Variants in MIPEP observed in about 807,000 individuals in gnomAD.
MIPEP encodes mitochondrial intermediate peptidase.
MIPEP carries 79 observed loss-of-function variants against 90.3 expected under a neutral mutation model. The observed-to-expected ratio is 0.87, with a 90% CI of 0.73 to 1.05. The LOEUF (loss-of-function observed/expected upper bound fraction) is 1.05, where lower values mean the gene tolerates loss of function less well. Ranked by LOEUF, MIPEP falls within the 50% of genes least tolerant of loss-of-function variation. MIPEP has a pLI of 0.00. For missense variants in MIPEP, 940 were observed against 905.6 expected, an observed-to-expected ratio of 1.04 and a Z score of -0.49; for synonymous variants, 334 against 315.8, an observed-to-expected ratio of 1.06 and a Z score of -0.61.
chr13:23,866,513 C>A (rs1053946019), intron 7 of MIPEP, among the ~76,000 whole-genome samples: 49 of 152,170 alleles, frequency 3.2e-4, no homozygotes, highest in African/African-American at 1.1e-3. Flanking sequence ...GCCCTCCTCA[C>A]ATCTGACCTG....
intron 5 of MIPEP, among the ~76,000 whole-genome samples, chr13:23,872,484 T>C (rs1870860982): frequency 6.6e-6 from 1 of 152,104 alleles, no homozygotes; most frequent in East Asian, 1.9e-4. Flanking sequence ...TAATAATAAA[T>C]AAATAAGAAA....
At chr13:23,882,183 T>C (rs7316986) in intron 2 of MIPEP, among the ~76,000 whole-genome samples, 58,519 of 151,536 alleles carry the variant, frequency 0.39, 11,441 homozygotes, top group East Asian at 0.45. Flanking sequence ...CATTCTCCTG[T>C]CTCAGCCTCC....
intron 16 of MIPEP, among the ~76,000 whole-genome samples, chr13:23,788,382 G>A (rs1415918119): frequency 1.3e-5 from 2 of 152,144 alleles, no homozygotes; most frequent in Non-Finnish European, 2.9e-5. Flanking sequence ...TGTCATCACA[G>A]GTCAGTGGGC....
intron 18 of MIPEP, among the ~76,000 whole-genome samples, chr13:23,735,533 T>C (rs1952252902): frequency 1.3e-5 from 2 of 152,102 alleles, no homozygotes; most frequent in Non-Finnish European, 2.9e-5. Context: ...AAACTGCCAA[T>C]ATAAATATGA....
At chr13:23,737,524 G>GA (rs1271818228) in intron 18 of MIPEP, among the ~76,000 whole-genome samples, 1 of 152,132 alleles carries the variant, frequency 6.6e-6, no homozygotes, top group East Asian at 1.9e-4. Flanking sequence ...CTTTCGCCAA[G>GA]AAAAAATCCT....
chr13:23,867,559 T>C (rs190826217), intron 7 of MIPEP, among the ~76,000 whole-genome samples: 35 of 152,344 alleles, frequency 2.3e-4, no homozygotes, highest in South Asian at 1.9e-3. Flanking sequence ...CGTTCTTTAC[T>C]GTTCTTCCCT....
At position 23,841,467 on chromosome 13, in the gene MIPEP, T is replaced by C. The variant is rs1048616079; in HGVS notation, c.1128A>G (p.Leu376=). The C allele has an allele frequency of 3.1e-6, 5 of 1,613,138 alleles. No homozygotes were observed. Among genetic ancestry groups the C allele is most frequent in the South Asian group, 1.1e-5 (1 of 90,834 alleles). The change falls in exon 11 of 19, where the codon CTA becomes CTG. Residue 376 remains leucine (L), a synonymous_variant. Coordinates refer to ENST00000382172, the MANE Select transcript of MIPEP (RefSeq NM_005932.4). Reference sequence around the variant, plus strand: ...CTCCAAGAGAGAAAAACGGGCAATATAGGCTGGGCTCAATATTATACCTAA... The same window carrying C: ...CTCCAAGAGAGAAAAACGGGCAATACAGGCTGGGCTCAATATTATACCTAA... The part of the protein sequence containing the change: ...RAERYNIEPS[L]YCPFFSLGAC...
chr13:23,751,577 A>C (rs998907876), intron 18 of MIPEP, among the ~76,000 whole-genome samples: 7 of 152,360 alleles, frequency 4.6e-5, no homozygotes, highest in Admixed American at 2.0e-4. Flanking sequence ...CATGGAAATA[A>C]AGTTGTTTAA....
At chr13:23,770,884 G>C (rs192388222) in intron 16 of MIPEP, among the ~76,000 whole-genome samples, 26 of 152,332 alleles carry the variant, frequency 1.7e-4, no homozygotes, top group Admixed American at 5.9e-4. Flanking sequence ...CCGTGGCAGC[G>C]AGGGCCTGCC....
At chr13:23,878,920 G>C (rs1449061650) in intron 4 of MIPEP, among the ~76,000 whole-genome samples, 1 of 152,204 alleles carries the variant, frequency 6.6e-6, no homozygotes, top group Non-Finnish European at 1.5e-5. Context: ...TGAATGTGTA[G>C]GTACTGAGGA....
chr13:23,808,836 T>C (rs987240967), intron 15 of MIPEP, among the ~76,000 whole-genome samples: 1 of 152,266 alleles, frequency 6.6e-6, no homozygotes, highest in Non-Finnish European at 1.5e-5. Context: ...ATGTATTTCA[T>C]GTTTGAAGGT....
At chr13:23,855,898 C>A (rs112049926) in intron 10 of MIPEP, among the ~76,000 whole-genome samples, 1 of 152,174 alleles carries the variant, frequency 6.6e-6, no homozygotes, top group Non-Finnish European at 1.5e-5. Flanking sequence ...AAGGACTTAG[C>A]AAGCAGGTGG....
chr13:23,874,822 C>CA (rs750794496), intron 5 of MIPEP, 24 bp downstream of exon 5: 53 of 1,567,110 alleles, frequency 3.4e-5, no homozygotes, highest in South Asian at 6.0e-5. Flanking sequence ...CTGGAAGAGT[C>CA]AAAAAAACAG....
intron 16 of MIPEP, among the ~76,000 whole-genome samples, chr13:23,793,561 A>G (rs1952923013): frequency 6.6e-6 from 1 of 152,092 alleles, no homozygotes. Flanking sequence ...TTCTCAGTAA[A>G]TATTTATTGG....
intron 14 of MIPEP, among the ~76,000 whole-genome samples, chr13:23,813,037 GAATT>G (rs1381636148): frequency 2.0e-5 from 3 of 151,870 alleles, no homozygotes; most frequent in African/African-American, 4.8e-5. Context: ...TAGTCAACTG[GAATT>G]AATAAGTGTA....
chr13:23,847,372 G>T (rs1869590814), intron 10 of MIPEP, among the ~76,000 whole-genome samples: 1 of 150,896 alleles, frequency 6.6e-6, no homozygotes, highest in South Asian at 2.1e-4. Context: ...AGAACAGGAA[G>T]TCTGAGGGTA....
chr13:23,887,189 A>C (rs1276647607), intron 1 of MIPEP, among the ~76,000 whole-genome samples: 1 of 152,246 alleles, frequency 6.6e-6, no homozygotes, highest in Non-Finnish European at 1.5e-5. Context: ...TTTATACGTT[A>C]CAAAGACATT....
chr13:23,814,802 T>G (rs1426252463), intron 14 of MIPEP, among the ~76,000 whole-genome samples: 1 of 152,126 alleles, frequency 6.6e-6, no homozygotes, highest in Non-Finnish European at 1.5e-5. Context: ...CCCATTACAG[T>G]AGAACTGAGA....
intron 14 of MIPEP, among the ~76,000 whole-genome samples, chr13:23,810,185 G>A (rs1424350406): frequency 1.3e-5 from 2 of 152,144 alleles, no homozygotes; most frequent in East Asian, 1.9e-4. Flanking sequence ...AGACACTGGC[G>A]CCGATCTTTA....
Sources: allele counts gnomAD v4.1 joint callset (sites outside exome capture counted in the v4.1 genomes callset), GRCh38; gene constraint gnomAD v4.1.1; transcripts MANE v1.5; gene names NCBI Gene and HGNC (gene_info 2026-07-23, HGNC 2026-07-21).